The following MYO5B variants were observed in gnomAD, a reference collection of about 807,000 sequenced individuals.
MYO5B encodes myosin VB.
In MYO5B, 143 loss-of-function variants were observed where a neutral mutation model predicts 229.3. That is an observed-to-expected ratio of 0.62 (90% CI 0.54 to 0.72). The LOEUF is 0.72. MYO5B is among the 30% of genes least tolerant of loss of function. The probability of loss-of-function intolerance (pLI) is 0.00; values close to 1 mark genes in which losing one functional copy is unlikely to be tolerated. For synonymous variants in MYO5B, 918 were observed against 885.2 expected (o/e 1.04, Z -0.66); for missense variants, 2,321 against 2,331.0 (o/e 1.00, Z 0.09).
At chr18:49,973,743 CTA>C (rs2025715247) in intron 10 of MYO5B, among the ~76,000 whole-genome samples, 1 of 152,158 alleles carries the variant, frequency 6.6e-6, no homozygotes. Context: ...CTCCCGATGG[CTA>C]GGCAAGTACA....
chr18:50,038,749 C>T (rs985751651), intron 3 of MYO5B, among the ~76,000 whole-genome samples: 3 of 152,198 alleles, frequency 2.0e-5, no homozygotes, highest in African/African-American at 7.2e-5. Context: ...TGTACAGACA[C>T]TGGGACATCT....
intron 1 of MYO5B, among the ~76,000 whole-genome samples, chr18:50,179,314 C>T (rs2033040886): frequency 1.3e-5 from 2 of 152,194 alleles, no homozygotes; most frequent in African/African-American, 2.4e-5. Flanking sequence ...GTATCTGATG[C>T]ACCCAAAGTA....
At chr18:49,984,573 AAG>A in intron 8 of MYO5B, 143 bp downstream of exon 8, 1 of 712,728 alleles carries the variant, frequency 1.4e-6, no homozygotes, top group Non-Finnish European at 2.6e-6. Context: ...GTAAGAGAGT[AAG>A]AGATGACATT....
intron 4 of MYO5B, among the ~76,000 whole-genome samples, chr18:50,023,771 T>C (rs1307307423): frequency 6.6e-6 from 1 of 152,162 alleles, no homozygotes; most frequent in Non-Finnish European, 1.5e-5. Flanking sequence ...GGGCGGCTGG[T>C]ATCTCTTCAC....
At chr18:49,875,570 G>A (rs1288828393) in intron 26 of MYO5B, 117 bp downstream of exon 26, 1 of 1,424,482 alleles carries the variant, frequency 7.0e-7, no homozygotes, top group Non-Finnish European at 9.8e-7. Context: ...GGAGCCCTCT[G>A]AGACTTAGCA....
intron 6 of MYO5B, among the ~76,000 whole-genome samples, chr18:49,990,938 C>A (rs141627541): frequency 6.6e-6 from 1 of 152,142 alleles, no homozygotes; most frequent in Admixed American, 6.5e-5. Flanking sequence ...CTGTGCTTGC[C>A]CATCAGGTCA....
chr18:50,031,258 C>T (rs1476993614), intron 4 of MYO5B, among the ~76,000 whole-genome samples: 1 of 152,140 alleles, frequency 6.6e-6, no homozygotes, highest in African/African-American at 2.4e-5. Flanking sequence ...GTCTGGGTTC[C>T]ATCTCTGCCC....
At chr18:49,847,002 G>T in intron 33 of MYO5B, 144 bp downstream of exon 33, 1 of 982,628 alleles carries the variant, frequency 1.0e-6, no homozygotes, top group Non-Finnish European at 1.5e-6. Flanking sequence ...GAAGATGGGG[G>T]CAGGTGCAAG....
intron 4 of MYO5B, among the ~76,000 whole-genome samples, chr18:50,021,194 G>A (rs1024936231): frequency 2.0e-5 from 3 of 152,200 alleles, no homozygotes; most frequent in East Asian, 1.9e-4. Flanking sequence ...CAGGGCCTCC[G>A]AGGAGATCCT....
At chr18:49,901,419 TAC>T (rs2024840358) in intron 21 of MYO5B, among the ~76,000 whole-genome samples, 1 of 152,216 alleles carries the variant, frequency 6.6e-6, no homozygotes, top group Non-Finnish European at 1.5e-5. Context: ...CCCAACCCCC[TAC>T]AGGGATATTT....
rs533580568 is a variant in MYO5B, at chr18:49,937,216, C to T, written c.1905+29G>A. On this transcript the variant is annotated intron_variant, in intron 15 of 39. Transcript: ENST00000285039. ...AGAGGCCAGCCCTGCACATGCACCT[C>T]AGCCCATAGCTTTTGGTCCGGGGCT... 9.9e-6 allele frequency: 16 copies of T among 1,613,566 alleles called. No homozygotes were observed. The East Asian group carries it at 1.1e-4, about 11-fold the overall frequency.
chr18:50,060,746 G>A (rs1412363136), intron 1 of MYO5B, among the ~76,000 whole-genome samples: 1 of 152,128 alleles, frequency 6.6e-6, no homozygotes, highest in African/African-American at 2.4e-5. Context: ...CAGCTGGAGG[G>A]GGTGGCCAAC....
chr18:49,839,498 C>A (rs897815211), intron 35 of MYO5B: 1 of 624,046 alleles, frequency 1.6e-6, no homozygotes, highest in Admixed American at 2.5e-5. Flanking sequence ...TAGAAAAACT[C>A]AACATGAGAG....
At chr18:49,832,843 A>C (rs2023939631) in intron 39 of MYO5B, among the ~76,000 whole-genome samples, 1 of 152,226 alleles carries the variant, frequency 6.6e-6, no homozygotes. Context: ...TAGCCTCACT[A>C]ATTCAAGGTA....
intron 1 of MYO5B, among the ~76,000 whole-genome samples, chr18:50,112,524 T>C (rs982188239): frequency 8.5e-5 from 13 of 152,180 alleles, no homozygotes; most frequent in African/African-American, 3.1e-4. Flanking sequence ...CTTAACCAGC[T>C]GAGCACCACC....
chr18:50,061,063 C>G (rs1395641680), intron 1 of MYO5B, among the ~76,000 whole-genome samples: 1 of 152,166 alleles, frequency 6.6e-6, no homozygotes, highest in East Asian at 1.9e-4. Context: ...AGCTAAAGAA[C>G]TCTTTCCCAA....
rs767136619 is a variant in MYO5B at position 49,849,604 on chromosome 18, T to G, written c.4278A>C (p.Gln1426His). The stretch of plus-strand genomic sequence containing the variant: ...GGGCTTTCTTCATGTAAATCTTCAG[T>G]TGCTTTTTGAGCTTCCTCTCATTCT... ...LEKNERKLKK[Q>H]LKIYMKKAQD... Residue 1426 changes from glutamine to histidine, a missense_variant, in exon 32 of 40, where the codon CAA becomes CAC. Transcript: ENST00000285039. 6.2e-7 allele frequency: 1 copy of G among 1,613,500 alleles called. No individual in the cohort carries two copies. The highest frequency in any genetic ancestry group is 1.3e-5 in the African/African-American group (1 of 74,920).
At chr18:50,156,959 C>T (rs1385970042) in intron 1 of MYO5B, among the ~76,000 whole-genome samples, 1 of 152,192 alleles carries the variant, frequency 6.6e-6, no homozygotes, top group African/African-American at 2.4e-5. Context: ...CACACTGATC[C>T]CCTGTAACTC....
intron 1 of MYO5B, among the ~76,000 whole-genome samples, chr18:50,145,615 A>G (rs1258559541): frequency 1.3e-5 from 2 of 151,724 alleles, no homozygotes; most frequent in Non-Finnish European, 2.9e-5. Flanking sequence ...CATGTATTTC[A>G]TTCATCATAA....
Sources: gnomAD v4.1 joint callset for allele counts (sites outside exome capture counted in the v4.1 genomes callset) on GRCh38, gnomAD v4.1.1 for gene constraint, MANE v1.5 for transcripts, NCBI Gene and HGNC (gene_info 2026-07-23, HGNC 2026-07-21) for gene names.